ANO8: variants seen among roughly 807,000 people sequenced by gnomAD.
ANO8 encodes anoctamin 8.
ANO8 carries 67 observed loss-of-function variants against 120.4 expected under a neutral mutation model. The observed-to-expected ratio is 0.56, with a 90% CI of 0.46 to 0.68. The LOEUF (loss-of-function observed/expected upper bound fraction) is 0.68. Ranked by LOEUF, ANO8 falls within the 30% of genes least tolerant of loss-of-function variation. The pLI is 0.00. For missense variants in ANO8, 1,526 were observed against 1,737.6 expected, an observed-to-expected ratio of 0.88 and a Z score of 2.16; for synonymous variants, 727 against 759.2, an observed-to-expected ratio of 0.96 and a Z score of 0.70.
rs1238368568 is a variant in ANO8, at chr19:17,334,704, G to A, written c.-34C>T. The A allele has an allele frequency of 7.4e-7, 1 of 1,347,506 alleles. No homozygotes were observed. The highest frequency in any genetic ancestry group is 9.5e-7 in the Non-Finnish European group (1 of 1,052,938). The allele number at this position is 1,347,506 out of a possible 1,614,324, so 83.5% of individuals were successfully genotyped here. On this transcript the variant is annotated 5_prime_UTR_variant, in exon 1 of 18. Coordinates refer to ENST00000159087, the MANE Select transcript of ANO8 (RefSeq NM_020959.3). ...CAGGTCAGGTCAGGGGCTACGGACG[G>A]CCCGGGCGACGGGGAGCCGCGGGCT...
chr19:17,325,371 C>T lies in ANO8; in HGVS notation c.2677G>A (p.Ala893Thr). ...REAFKRHERQ[A>T]QHRYQQQQRR... is the part of the protein sequence containing the mutation. Reference sequence around the variant, plus strand: ...TGCTGCTGCTGGTAGCGATGCTGGGCCTGGCGCTCGTGTCTCTGCAGGTAG... The same window carrying T: ...TGCTGCTGCTGGTAGCGATGCTGGGTCTGGCGCTCGTGTCTCTGCAGGTAG... Residue 893 changes from alanine to threonine, a missense_variant, in exon 17 of 18, where the codon GCC (alanine) becomes ACC (threonine). Ala to Thr is a moderately conservative substitution (Grantham distance 58, BLOSUM62 0). Transcript: ENST00000159087. The T allele has an allele frequency of 6.3e-7, 1 of 1,589,126 alleles. No homozygotes were observed. The highest frequency in any genetic ancestry group is 8.5e-7 in the Non-Finnish European group (1 of 1,172,750).
At chr19:17,324,430 C>T (rs921394640) in intron 17 of ANO8, among the ~76,000 whole-genome samples, 3 of 152,052 alleles carry the variant, frequency 2.0e-5, no homozygotes, top group African/African-American at 7.2e-5. Context: ...TCCCTCATCT[C>T]TCCTGGCACC....
rs771912275 is a variant in ANO8, at chr19:17,325,343, C to G, written c.2705G>C (p.Arg902Pro). The change falls in exon 17 of 18, where the codon CGC becomes CCC. Residue 902 changes from arginine (R) to proline (P), a missense_variant. Around this residue, in one of 8 missense-constraint regions of ANO8, gnomAD observed 489 missense variants for 548.6 expected, o/e 0.89. Transcript: ENST00000159087. The stretch of plus-strand genomic sequence containing the variant: ...TCGCTCCTCCTCCTCCCGCCGCCTG[C>G]GCTGCTGCTGCTGGTAGCGATGCTG... ...QAQHRYQQQQ[R>P]RRREEEERQR... 1.2e-5 allele frequency: 19 copies of G among 1,600,428 alleles called. No individual in the cohort carries two copies. The highest frequency in any genetic ancestry group is 1.6e-5 in the Non-Finnish European group (19 of 1,178,242).
At chr19:17,328,111 T>TCCTGCCCCCGGCGAGGC (rs775768790) in intron 13 of ANO8, 51 bp downstream of exon 13, 1 of 1,361,704 alleles carries the variant, frequency 7.3e-7, no homozygotes, top group Non-Finnish European at 9.9e-7. Context: ...GGACGGTGTG[T>TCCTGCCCCCGGCGAGGC]CCCGTCCCCG....
At chr19:17,329,509 G>C in intron 12 of ANO8, 1 of 553,974 alleles carries the variant, frequency 1.8e-6, no homozygotes, top group Non-Finnish European at 3.2e-6. Context: ...GCTGCCGCTC[G>C]AGGCTCTGGG....
rs2074255062 is a variant in ANO8, at chr19:17,323,833, C to T, written c.3383G>A (p.Arg1128Gln). 16 of 1,131,294 alleles carry T rather than the reference C, an allele frequency of 1.4e-5. No individual in the cohort carries two copies. The South Asian group carries it at 3.4e-4, about 24-fold the overall frequency. 70.1% of individuals were successfully genotyped at this position (1,131,294 alleles called of 1,614,324 possible). ...CATTGGCGGCGGCGGCGCGGGGCTCCGGCTGCGGCGGGTGCGGAGGGCAGG... is the reference window on the plus strand; with the variant it reads ...CATTGGCGGCGGCGGCGCGGGGCTCTGGCTGCGGCGGGTGCGGAGGGCAGG... Reference protein sequence around the residue: ...GAPALRTRRSRSPAPPPPMPL... With the variant: ...GAPALRTRRSQSPAPPPPMPL... The change falls in exon 18 of 18, where the codon CGG (arginine) becomes CAG (glutamine). Residue 1128 changes from arginine (R) to glutamine (Q), a missense_variant. By Grantham distance (43) the Arg-to-Gln change is conservative. This residue lies in a region of ANO8 where 489 missense variants were observed against 548.6 expected (regional missense o/e 0.89). Coordinates refer to ENST00000159087, the MANE Select transcript of ANO8 (RefSeq NM_020959.3).
In ANO8 at chr19:17,328,312, G is replaced by T. The variant is rs1473592149; in HGVS notation, c.2076C>A (p.Asp692Glu). ...AGCCGGGTTCCGGGTCCGGGCCCCCGTCGGGCCCCTGGTCTCGGCCCTCGC... is the reference window on the plus strand; with the variant it reads ...AGCCGGGTTCCGGGTCCGGGCCCCCTTCGGGCCCCTGGTCTCGGCCCTCGC... ...AGGEGRDQGP[D>E]GGPDPEPGSN... is the part of the protein sequence containing the mutation. The change falls in exon 13 of 18, where the codon GAC (aspartate) becomes GAA (glutamate). Residue 692 changes from aspartate (D) to glutamate (E), a missense_variant. This residue lies in a region of ANO8 where 467 missense variants were observed against 425.8 expected (regional missense o/e 1.10). Transcript: ENST00000159087. 2 of 1,598,930 alleles carry T rather than the reference G, an allele frequency of 1.3e-6. No homozygotes were observed. The highest frequency in any genetic ancestry group is 1.7e-5 in the Admixed American group (1 of 58,402).
Position 17,323,875 on chromosome 19 carries a change from A to C in ANO8, c.3341T>G (p.Leu1114Arg). The change falls in exon 18 of 18, where the codon CTG becomes CGG. Residue 1114 changes from leucine to arginine, a missense_variant. Leu to Arg is a moderately radical substitution (Grantham distance 102, BLOSUM62 -2). This residue lies in a region of ANO8 where 489 missense variants were observed against 548.6 expected (regional missense o/e 0.89). Coordinates refer to ENST00000159087, the MANE Select transcript of ANO8 (RefSeq NM_020959.3). ...GAGGGCAGGGGCGCCCACGGGGGCCAGCGCTGTCCCTGCGGAGGCGAGAGG... is the reference window on the plus strand; with the variant it reads ...GAGGGCAGGGGCGCCCACGGGGGCCCGCGCTGTCCCTGCGGAGGCGAGAGG... ...RPEEEGSGTA[L>R]APVGAPALRT... The C allele has an allele frequency of 8.9e-7, 1 of 1,117,702 alleles. No individual in the cohort carries two copies. Among genetic ancestry groups the C allele is most frequent in the Non-Finnish European group, 1.1e-6 (1 of 914,626 alleles). The allele number at this position is 1,117,702 out of a possible 1,614,324, so 69.2% of individuals were successfully genotyped here.
At chr19:17,325,490 TTA>T in intron 16 of ANO8, 104 bp from the exon 17 acceptor site, 1 of 1,434,844 alleles carries the variant, frequency 7.0e-7, no homozygotes, top group Non-Finnish European at 9.2e-7. Context: ...TGGGGGAGAC[TTA>T]AATGCTTATT....
intron 5 of ANO8, among the ~76,000 whole-genome samples, chr19:17,331,858 C>G (rs1047481526): frequency 4.0e-5 from 6 of 151,040 alleles, no homozygotes; most frequent in African/African-American, 7.3e-5. Flanking sequence ...GTCTCAAACT[C>G]CTGACCTCAA....
rs1353882936 is a variant in ANO8 at position 17,333,174 on chromosome 19, G to T, written c.416C>A (p.Thr139Asn). 1.2e-6 allele frequency: 2 copies of T among 1,610,386 alleles called. No individual in the cohort carries two copies. Among genetic ancestry groups the T allele is most frequent in the Non-Finnish European group, 1.7e-6 (2 of 1,178,418 alleles). The change falls in exon 4 of 18, where the codon ACC (threonine) becomes AAC (asparagine). Residue 139 changes from threonine to asparagine, a missense_variant. Physicochemically the swap from Thr to Asn is moderately conservative, Grantham distance 65 (BLOSUM62 0). Around this residue, in one of 8 missense-constraint regions of ANO8, gnomAD observed 322 missense variants for 431.8 expected, o/e 0.75. Coordinates refer to ENST00000159087, the MANE Select transcript of ANO8 (RefSeq NM_020959.3). The surrounding 1 kb of genome is among the most constrained non-coding windows in gnomAD (Gnocchi z 7.2). ...GTCCTCCTCGCAGGAGAAGCCGCGG[G>T]TGCCCCCGCCAAACTCGGCCTTCAC... The part of the protein sequence containing the change: ...KAVKAEFGGG[T>N]RGFSCEEDFI...
At position 17,331,931 on chromosome 19, in the gene ANO8, CTTTTTTTTTTTT is replaced by C. The variant is rs71180396; in HGVS notation, c.587-532_587-521del. Among the ~76,000 whole-genome samples the C allele has an allele frequency of 3.8e-5, 3 of 78,604 alleles. No homozygotes were observed. The East Asian group carries it at 9.2e-4, about 24-fold the overall frequency. The allele number at this position is 78,604 out of a possible 152,430, so 51.6% of individuals were successfully genotyped here. ...TACAGGTGTGAGCCACCGCGCCCGG[CTTTTTTTTTTTT>C]TTTTTTTTTTTAGACGGGGTCTAGC... On this transcript the variant is annotated intron_variant, in intron 5 of 17. Transcript: ENST00000159087.
intron 5 of ANO8, 31 bp from the exon 6 acceptor site, chr19:17,331,442 C>A: frequency 6.3e-7 from 1 of 1,595,686 alleles, no homozygotes; most frequent in Non-Finnish European, 8.6e-7. Flanking sequence ...GTGATCCCCG[C>A]CCCTCCACCT....
rs779282084 is a variant in ANO8 at position 17,333,670 on chromosome 19, G to A, written c.217+20C>T. ...AGCCGCATCTGGGCACTGGGCGGGC[G>A]GGCGGGCGGGCTTGGGTACCTGGGA... On this transcript the variant is annotated intron_variant, in intron 2 of 17. Transcript: ENST00000159087. This position sits in a 1 kb window ranked among gnomAD's most constrained non-coding sequence, Gnocchi z 7.2. The A allele has an allele frequency of 7.2e-6, 4 of 554,616 alleles. No individual in the cohort carries two copies. The highest frequency in any genetic ancestry group is 2.3e-5 in the Admixed American group (1 of 42,630). 34.4% of individuals were successfully genotyped at this position (554,616 alleles called of 1,614,324 possible).
chr19:17,327,626 C>T, intron 14 of ANO8, 57 bp from the exon 15 acceptor site: 1 of 1,608,056 alleles, frequency 6.2e-7, no homozygotes, highest in Non-Finnish European at 8.5e-7. Flanking sequence ...AGACCCCAGG[C>T]TCCTCCCAGC....
Position 17,334,799 on chromosome 19 carries a change from C to G in ANO8, c.-129G>C, listed in dbSNP as rs893331644. The G allele has an allele frequency of 1.3e-5, 15 of 1,171,600 alleles. No individual in the cohort carries two copies. The highest frequency in any genetic ancestry group is 1.1e-4 in the Admixed American group (3 of 28,370). The allele number at this position is 1,171,600 out of a possible 1,614,324, so 72.6% of individuals were successfully genotyped here. A position where few individuals can be genotyped will look rare whatever the true frequency, so the allele number is the denominator to read the frequency against. Reference sequence around the variant, plus strand: ...AGGCCGCGCCCGCCCGCGCCGGCCTCGGTCCTCGCTCGCCCGAGCGCTGCT... The same window carrying G: ...AGGCCGCGCCCGCCCGCGCCGGCCTGGGTCCTCGCTCGCCCGAGCGCTGCT... On this transcript the variant is annotated 5_prime_UTR_variant, in exon 1 of 18. Coordinates refer to ENST00000159087, the MANE Select transcript of ANO8 (RefSeq NM_020959.3).
rs778252535 is a variant in ANO8 at position 17,327,716 on chromosome 19, C to T, written c.2391G>A (p.Gln797=). The part of the protein sequence containing the change: ...LCTGLQRPFG[Q]RVESIGQWQK... ...GCCACTGGCCGATGCTTTCCACGCG[C>T]TGGCCGAAGGGCCGCTGCAGCCCGG... The change falls in exon 14 of 18, where the codon CAG becomes CAA. Residue 797 remains glutamine, a synonymous_variant. Transcript: ENST00000159087. The T allele has an allele frequency of 1.9e-6, 3 of 1,613,704 alleles. No homozygotes were observed. The highest frequency in any genetic ancestry group is 3.3e-5 in the Admixed American group (2 of 60,008).
rs1361198302 is a variant in ANO8, at chr19:17,328,226, G to A, written c.2162C>T (p.Pro721Leu). ...GAGCTGGGGCGAGTGTTCCTCCTCC[G>A]GCGGGTCAATCCAAGACGACCGGTT... is the stretch of plus-strand genomic sequence containing the variant. ...RQNRSSWIDP[P>L]EEEHSPQLTQ... Residue 721 changes from proline (P) to leucine (L), a missense_variant, in exon 13 of 18, where the codon CCG becomes CTG. By Grantham distance (98) the Pro-to-Leu change is moderately conservative. Coordinates refer to ENST00000159087, the MANE Select transcript of ANO8 (RefSeq NM_020959.3). 5 of 1,606,558 alleles carry A rather than the reference G, an allele frequency of 3.1e-6. No homozygotes were observed. Among genetic ancestry groups the A allele is most frequent in the Non-Finnish European group, 3.4e-6 (4 of 1,174,858 alleles).
chr19:17,329,475 C>T, intron 12 of ANO8: 1 of 499,502 alleles, frequency 2.0e-6, no homozygotes, highest in Non-Finnish European at 3.6e-6. Flanking sequence ...CGCAGGGCCG[C>T]GAGCGGGACC....
Sources: gnomAD v4.1 joint callset for allele counts (sites outside exome capture counted in the v4.1 genomes callset) on GRCh38, gnomAD v4.1.1 for gene constraint, gnomAD v4.1.1 regional missense constraint, Gnocchi (gnomAD v3.1) non-coding constraint, MANE v1.5 for transcripts, NCBI Gene and HGNC (gene_info 2026-07-23, HGNC 2026-07-21) for gene names.